The following RP1 variants were observed in gnomAD, a reference collection of about 807,000 sequenced individuals.
The protein encoded by RP1 is RP1 axonemal microtubule associated.
Under a neutral mutation model 14.8 loss-of-function variants are expected in RP1, and 16 were observed. That is an observed-to-expected ratio of 1.08 (90% CI 0.73 to 1.65). The LOEUF is 1.65. Among genes scored for constraint, RP1 ranks in the 40% most tolerant of loss-of-function variants. The pLI is 0.00. For missense variants in RP1, 2,631 were observed against 2,535.0 expected (o/e 1.04, Z -0.81); for synonymous variants, 876 against 883.6 (o/e 0.99, Z 0.15).
intron 1 of RP1, among the ~76,000 whole-genome samples, chr8:54,593,509 G>T (rs1348697681): frequency 6.6e-6 from 1 of 152,266 alleles, no homozygotes. Context: ...TGCATAAGCT[G>T]GTCTGTTGCC....
intron 15 of RP1, chr8:54,720,007 G>C (rs1421381760): frequency 1.2e-6 from 1 of 801,894 alleles, no homozygotes. Context: ...ACGTAAAAAG[G>C]CTCTAGATTT....
At chr8:54,795,570 C>T (rs1335761684) in intron 24 of RP1, among the ~76,000 whole-genome samples, 2 of 152,052 alleles carry the variant, frequency 1.3e-5, no homozygotes, top group African/African-American at 2.4e-5. Context: ...AAGCCAAAAA[C>T]CTTTGTGGAG....
At position 54,630,595 on chromosome 8, in the gene RP1, C is replaced by A; in HGVS notation, c.*242C>A. The A allele has an allele frequency of 1.6e-6, 2 of 1,214,548 alleles. No homozygotes were observed. Among genetic ancestry groups the A allele is most frequent in the Non-Finnish European group, 2.1e-6 (2 of 972,928 alleles). The allele number at this position is 1,214,548 out of a possible 1,614,324, so 75.2% of individuals were successfully genotyped here. A position where few individuals can be genotyped will look rare whatever the true frequency, so the allele number is the denominator to read the frequency against. ...AGTTTCTATCTGGTTTTGTTCTGAA[C>A]TTACATTTTTTTTTTTTTTGGTATC... On this transcript the variant is annotated 3_prime_UTR_variant, in exon 4 of 4. Coordinates refer to ENST00000220676, the MANE Select transcript of RP1 (RefSeq NM_006269.2).
chr8:54,767,361 CTTT>C (rs951988214), intron 22 of RP1, among the ~76,000 whole-genome samples: 6 of 138,482 alleles, frequency 4.3e-5, no homozygotes, highest in Admixed American at 1.5e-4. Flanking sequence ...AGTCTGTATT[CTTT>C]TTTTTTTTTT....
chr8:54,729,021 T>A (rs1808728200), intron 17 of RP1, among the ~76,000 whole-genome samples: 1 of 152,200 alleles, frequency 6.6e-6, no homozygotes, highest in Non-Finnish European at 1.5e-5. Context: ...AATGCCATAT[T>A]TTAAAAATTA....
intron 19 of RP1, among the ~76,000 whole-genome samples, chr8:54,743,858 G>C (rs1212317217): frequency 1.3e-5 from 2 of 152,070 alleles, no homozygotes; most frequent in Non-Finnish European, 2.9e-5. Context: ...CCCTGAGGCC[G>C]CTTCCCATGA....
At chr8:54,667,900 A>G (rs536526988) in intron 7 of RP1, among the ~76,000 whole-genome samples, 2 of 152,272 alleles carry the variant, frequency 1.3e-5, no homozygotes, top group Admixed American at 1.3e-4. Flanking sequence ...GCCGAATTCT[A>G]CCAGAGGTAC....
intron 3 of RP1, among the ~76,000 whole-genome samples, chr8:54,638,789 C>T (rs144807012): frequency 1.3e-3 from 199 of 152,122 alleles, no homozygotes; most frequent in African/African-American, 4.6e-3. Context: ...TCTTTCCCCT[C>T]CGTTTTTTGT....
rs1460245573 is a variant in RP1, at chr8:54,622,107, T to G, written c.616-10T>G. On this transcript the variant is annotated splice_polypyrimidine_tract_variant and intron_variant, in intron 2 of 3. Transcript: ENST00000220676. The stretch of plus-strand genomic sequence containing the variant: ...GCTCATCTCAGGATAATGACTCTGG[T>G]CTCTTTTAGGTTCCCAGCCTCCAGG... 1 of 1,613,962 alleles carries G rather than the reference T, an allele frequency of 6.2e-7. No homozygotes were observed. The highest frequency in any genetic ancestry group is 8.5e-7 in the Non-Finnish European group (1 of 1,179,974).
intron 27 of RP1, among the ~76,000 whole-genome samples, chr8:54,858,115 T>G (rs1183768666): frequency 1.3e-5 from 2 of 152,160 alleles, no homozygotes; most frequent in Non-Finnish European, 2.9e-5. Flanking sequence ...ATGAACATAT[T>G]TAAATCAGTG....
At chr8:54,804,645 A>G (rs543489271) in intron 24 of RP1, among the ~76,000 whole-genome samples, 1 of 152,342 alleles carries the variant, frequency 6.6e-6, no homozygotes, top group East Asian at 1.9e-4. Flanking sequence ...AAAACCAAAA[A>G]GTATAAGATG....
intron 6 of RP1, among the ~76,000 whole-genome samples, chr8:54,658,008 T>A (rs1197237373): frequency 6.6e-6 from 1 of 152,238 alleles, no homozygotes; most frequent in Admixed American, 6.5e-5. Context: ...ATGCAACAGA[T>A]CTTTAGAACT....
intron 16 of RP1, among the ~76,000 whole-genome samples, chr8:54,722,921 C>A (rs566097492): frequency 1.3e-5 from 2 of 152,164 alleles, no homozygotes; most frequent in Non-Finnish European, 2.9e-5. Flanking sequence ...ACGTGGAGGG[C>A]ACAGCTCTGC....
chr8:54,569,834 G>T (rs146832551), intron 1 of RP1, among the ~76,000 whole-genome samples: 131 of 152,268 alleles, frequency 8.6e-4, no homozygotes, highest in African/African-American at 2.8e-3. Flanking sequence ...ACGACGTACC[G>T]CATGATGTCA....
chr8:54,638,762 T>C (rs1429001408), intron 3 of RP1, among the ~76,000 whole-genome samples: 3 of 152,168 alleles, frequency 2.0e-5, no homozygotes, highest in Non-Finnish European at 4.4e-5. Flanking sequence ...GGAATTTGTT[T>C]TATATTATTT....
intron 24 of RP1, among the ~76,000 whole-genome samples, chr8:54,828,669 T>A (rs1811443667): frequency 6.6e-6 from 1 of 152,108 alleles, no homozygotes. Context: ...TATGACATTA[T>A]CATTATCAAG....
intron 1 of RP1, among the ~76,000 whole-genome samples, chr8:54,584,259 C>A (rs1804863965): frequency 6.6e-6 from 1 of 152,164 alleles, no homozygotes; most frequent in African/African-American, 2.4e-5. Context: ...TCGTTATGTA[C>A]CCAGTAGTCA....
intron 1 of RP1, among the ~76,000 whole-genome samples, chr8:54,580,158 A>G (rs868836389): frequency 8.5e-4 from 129 of 151,100 alleles, no homozygotes; most frequent in African/African-American, 2.8e-3. Flanking sequence ...GAATGAAGTA[A>G]CTGCTGTGCA....
chr8:54,622,374 C>A, intron 3 of RP1, 86 bp downstream of exon 3: 1 of 1,084,050 alleles, frequency 9.2e-7, no homozygotes, highest in Non-Finnish European at 1.4e-6. Flanking sequence ...GCTTCAATGA[C>A]CAGTTTCTTC....
Sources: allele counts gnomAD v4.1 joint callset (sites outside exome capture counted in the v4.1 genomes callset), GRCh38; gene constraint gnomAD v4.1.1; transcripts MANE v1.5; gene names NCBI Gene and HGNC (gene_info 2026-07-23, HGNC 2026-07-21).